The following OFD1 variants were observed in gnomAD, a reference collection of about 807,000 sequenced individuals.
OFD1 encodes OFD1 centriole and centriolar satellite protein.
A neutral mutation model predicts 81.4 loss-of-function variants in OFD1; 12 were observed. The ratio of observed to expected loss-of-function variants is 0.15; its 90% CI spans 0.09 to 0.24. The LOEUF is 0.24. Among genes scored for constraint, OFD1 ranks in the 10% least tolerant of loss-of-function variants. OFD1 has a pLI of 1.00. For missense variants in OFD1, 685 were observed against 733.9 expected (o/e 0.93, Z 0.77); for synonymous variants, 256 against 263.7 (o/e 0.97, Z 0.28).
rs1377670692 is a variant in OFD1 at position 13,760,534 on chromosome X, T to A, written c.2074T>A (p.Phe692Ile). Reference sequence around the variant, plus strand: ...TTCCAGTTCCCCGGAAAGACATATTTTTGGAGAGGACAGAGTTGTCTCTGA... The same window carrying A: ...TTCCAGTTCCCCGGAAAGACATATTATTGGAGAGGACAGAGTTGTCTCTGA... ...ITSSSPERHIFGEDRVVSEQP... is the reference protein window; with the variant it reads ...ITSSSPERHIIGEDRVVSEQP... The change falls in exon 16 of 23, where the codon TTT (phenylalanine) becomes ATT (isoleucine). Residue 692 changes from phenylalanine (F) to isoleucine (I), a missense_variant. Physicochemically the swap from Phe to Ile is conservative, Grantham distance 21. Transcript: ENST00000340096. The A allele has an allele frequency of 1.7e-6, 2 of 1,173,498 alleles. No individual in the cohort carries two copies. The highest frequency in any genetic ancestry group is 3.6e-5 in the African/African-American group (2 of 55,264).
rs987148235 is a variant in OFD1, at chrX:13,734,972, C to G, written c.-100C>G. 2.7e-4 allele frequency: 311 copies of G among 1,150,437 alleles called. No homozygotes were observed. Among genetic ancestry groups the G allele is most frequent in the Non-Finnish European group, 3.5e-4 (305 of 869,884 alleles). The allele number at this position is 1,150,437 out of a possible 1,213,427, so 94.8% of individuals were successfully genotyped here. ...CGGGACAGAGGCAGGGTTCTGAGGG[C>G]AGGGATTCCCCCTCGTCTTGGCCCC... On this transcript the variant is annotated 5_prime_UTR_variant, in exon 1 of 23. Coordinates refer to ENST00000340096, the MANE Select transcript of OFD1 (RefSeq NM_003611.3).
intron 10 of OFD1, chrX:13,752,629 A>C: frequency 1.1e-6 from 1 of 901,194 alleles, no homozygotes; most frequent in Non-Finnish European, 1.4e-6. Flanking sequence ...ATTTTTAGGA[A>C]TAAATGAATT....
upstream of OFD1, among the ~76,000 whole-genome samples, chrX:13,730,153 A>G (rs1343297434): frequency 9.0e-6 from 1 of 110,982 alleles, no homozygotes; most frequent in African/African-American, 3.3e-5. Context: ...AATGGGAGAA[A>G]ATGTTTGCAA....
intron 4 of OFD1, 22 bp from the exon 5 acceptor site, chrX:13,738,980 G>A (rs1255181276): frequency 8.4e-7 from 1 of 1,197,285 alleles, no homozygotes; most frequent in Admixed American, 2.2e-5. Flanking sequence ...CTGAATAAAA[G>A]TGAAATATTT....
intron 5 of OFD1, among the ~76,000 whole-genome samples, chrX:13,742,080 G>C (rs1259836824): frequency 1.8e-5 from 2 of 112,208 alleles, no homozygotes; most frequent in Non-Finnish European, 3.8e-5. Context: ...TCGGCCCTTT[G>C]CTTTTTGGAA....
Position 13,758,360 on chromosome X carries a change from G to A in OFD1, c.1566G>A (p.Lys522=), listed in dbSNP as rs758613947. Residue 522 remains lysine, a synonymous_variant, in exon 15 of 23, where the codon AAG becomes AAA. Coordinates refer to ENST00000340096, the MANE Select transcript of OFD1 (RefSeq NM_003611.3). The stretch of plus-strand genomic sequence containing the variant: ...AGATTGAGCATTCTGCACAGCTGAA[G>A]GCCCAGATTCTAGGTTACAAAGCTT... The part of the protein sequence containing the change: ...QDEIEHSAQL[K]AQILGYKASV... The A allele has an allele frequency of 2.5e-6, 3 of 1,201,147 alleles. No homozygotes were observed. In the African/African-American group the frequency reaches 5.3e-5, roughly 21 times the overall value.
At chrX:13,734,032 G>A (rs773435115), upstream of OFD1, 2 of 514,746 alleles carry the variant, frequency 3.9e-6, no homozygotes, top group East Asian at 3.6e-5. Flanking sequence ...AGCATCATGA[G>A]GACTGGCTCA....
chrX:13,756,512 C>G (rs780686525), intron 12 of OFD1, 66 bp from the exon 13 acceptor site: 156 of 905,397 alleles, frequency 1.7e-4, no homozygotes, highest in Non-Finnish European at 2.4e-4. Context: ...AGGAGCCTGC[C>G]AGCTTTTACT....
the OFD1 span, chrX:13,716,752 A>T: frequency 9.2e-7 from 1 of 1,090,122 alleles, no homozygotes; most frequent in Non-Finnish European, 1.3e-6. Context: ...TCATTCTGTA[A>T]ATTCTATAGA....
At chrX:13,758,153 G>A (rs1464468219) in intron 14 of OFD1, among the ~76,000 whole-genome samples, 184 bp from the exon 15 acceptor site, 1 of 110,525 alleles carries the variant, frequency 9.0e-6, no homozygotes, top group Non-Finnish European at 1.9e-5. Context: ...AAAAGATGGT[G>A]AAGAACTTGT....
At chrX:13,741,248 G>GA (rs1178024073) in intron 5 of OFD1, among the ~76,000 whole-genome samples, 3 of 112,488 alleles carry the variant, frequency 2.7e-5, no homozygotes. Flanking sequence ...AAAATTTCTG[G>GA]AAGCCAGAAA....
intron 12 of OFD1, among the ~76,000 whole-genome samples, chrX:13,755,968 T>TTTTTTTTTG (rs1298406528): frequency 2.1e-5 from 2 of 96,931 alleles, no homozygotes; most frequent in African/African-American, 8.2e-5. Context: ...TTTTTTTTTT[T>TTTTTTTTTG]GAGACAGAGT....
downstream of OFD1, among the ~76,000 whole-genome samples, chrX:13,770,812 TAAAAC>T (rs745800687): frequency 8.9e-5 from 10 of 112,410 alleles, no homozygotes; most frequent in Non-Finnish European, 1.3e-4. Flanking sequence ...TTGCCAGAAA[TAAAAC>T]AATTAGCACT....
the OFD1 span, among the ~76,000 whole-genome samples, chrX:13,722,646 G>A: frequency 1.8e-5 from 2 of 111,736 alleles, no homozygotes; most frequent in East Asian, 2.8e-4. Context: ...AATACTTGAG[G>A]GTATGGAGCA....
chrX:13,763,764 G>A lies in OFD1; in HGVS notation c.2508G>A (p.Arg836=), dbSNP rs2048023499. 3 of 1,210,843 alleles carry A rather than the reference G, an allele frequency of 2.5e-6. No homozygotes were observed. The highest frequency in any genetic ancestry group is 3.4e-6 in the Non-Finnish European group (3 of 894,724). ...SSFESAGNMP[R]QLEMGGLSPA... The stretch of plus-strand genomic sequence containing the variant: ...ATGCAGCTGCAGGGAACATGCCAAG[G>A]CAGTTGGAAATGGGCGGGCTTTCTC... The change falls in exon 19 of 23, where the codon AGG becomes AGA. Residue 836 remains arginine, a synonymous_variant. Transcript: ENST00000340096.
At chrX:13,732,664 C>T (rs1196835971), upstream of OFD1, among the ~76,000 whole-genome samples, 1 of 112,803 alleles carries the variant, frequency 8.9e-6, no homozygotes, top group Non-Finnish European at 1.9e-5. Context: ...CCCAGGGCTG[C>T]TCATTTGAAG....
upstream of OFD1, chrX:13,734,414 A>AC (rs3833418): frequency 0.015 from 3,935 of 263,626 alleles, 205 homozygotes; most frequent in East Asian, 0.17. Context: ...CGGCCCGGCC[A>AC]CCCCGGGGAG....
At chrX:13,722,808 A>G in the OFD1 span, among the ~76,000 whole-genome samples, 1 of 111,949 alleles carries the variant, frequency 8.9e-6, no homozygotes, top group African/African-American at 3.3e-5. Flanking sequence ...TCACGCCTGT[A>G]ATCCCAGCAC....
chrX:13,736,874 G>A (rs1471536715), intron 3 of OFD1, among the ~76,000 whole-genome samples, 196 bp downstream of exon 3: 1 of 112,034 alleles, frequency 8.9e-6, no homozygotes. Flanking sequence ...ATTTCTTGGC[G>A]TCTCATTTAG....
Sources: allele counts gnomAD v4.1 joint callset (sites outside exome capture counted in the v4.1 genomes callset), GRCh38; gene constraint gnomAD v4.1.1; transcripts MANE v1.5; gene names NCBI Gene and HGNC (gene_info 2026-07-23, HGNC 2026-07-21).